The following ANO6 variants were observed in gnomAD, a reference collection of about 807,000 sequenced individuals.
ANO6 encodes the protein anoctamin-6.
In ANO6, 106 loss-of-function variants were observed where a neutral mutation model predicts 117.5. The observed-to-expected ratio is 0.90, with a 90% confidence interval of 0.77 to 1.06. The LOEUF is 1.06. Among genes scored for constraint, ANO6 ranks in the 50% least tolerant of loss-of-function variants. ANO6 has a pLI of 0.00. For missense variants in ANO6, 955 were observed against 1,121.1 expected (o/e 0.85, Z 2.12); for synonymous variants, 367 against 385.1 (o/e 0.95, Z 0.55).
At chr12:45,367,440 G>A (rs1411202787) in intron 8 of ANO6, among the ~76,000 whole-genome samples, 1 of 152,150 alleles carries the variant, frequency 6.6e-6, no homozygotes, top group African/African-American at 2.4e-5. Context: ...GAGACCTCCA[G>A]CTGAAAAGAA....
At chr12:45,376,765 G>A (rs537895429) in intron 9 of ANO6, among the ~76,000 whole-genome samples, 4 of 151,150 alleles carry the variant, frequency 2.6e-5, no homozygotes, top group Admixed American at 6.6e-5. Flanking sequence ...TGATGAGTTA[G>A]TGGGTGCAGC....
rs745682805 is a variant in ANO6 at position 45,388,300 on chromosome 12, T to A, written c.1305T>A (p.Thr435=). ...RCTHVVINEI[T]QEEERIPFTA... is the part of the protein sequence containing the mutation. ...CTCACGTAGTGATAAATGAGATTAC[T>A]CAGGTAAGCAGGGTCGTATTTAGGT... is the stretch of plus-strand genomic sequence containing the variant. The change falls in exon 11 of 20, where the codon ACT becomes ACA. Residue 435 remains threonine, a synonymous_variant. Transcript: ENST00000320560. 9 of 1,613,880 alleles carry A rather than the reference T, an allele frequency of 5.6e-6. No homozygotes were observed. Among genetic ancestry groups the A allele is most frequent in the Middle Eastern group, 1.6e-4 (1 of 6,084 alleles).
chr12:45,326,516 G>T (rs1192751268), intron 2 of ANO6, among the ~76,000 whole-genome samples: 2 of 152,102 alleles, frequency 1.3e-5, no homozygotes, highest in Admixed American at 1.3e-4. Flanking sequence ...CGGTCAACAG[G>T]CTGGTGCCCT....
intron 3 of ANO6, among the ~76,000 whole-genome samples, chr12:45,337,975 T>G (rs1940875324): frequency 6.6e-6 from 1 of 151,888 alleles, no homozygotes; most frequent in African/African-American, 2.4e-5. Context: ...ATATCAAGAA[T>G]GAAAGTAATT....
chr12:45,223,060 T>G (rs1947429539), intron 1 of ANO6, among the ~76,000 whole-genome samples: 1 of 152,238 alleles, frequency 6.6e-6, no homozygotes. Context: ...ACTCAGTGCC[T>G]TTTCCCGCAT....
intron 19 of ANO6, among the ~76,000 whole-genome samples, chr12:45,427,439 C>T (rs759831355): frequency 6.6e-6 from 1 of 152,142 alleles, no homozygotes; most frequent in African/African-American, 2.4e-5. Flanking sequence ...ATTCCCTTTA[C>T]CTAGAATGTC....
At chr12:45,303,384 G>A (rs1939560062) in intron 2 of ANO6, among the ~76,000 whole-genome samples, 1 of 152,168 alleles carries the variant, frequency 6.6e-6, no homozygotes, top group Admixed American at 6.5e-5. Flanking sequence ...TCACATTTGA[G>A]TATGATACTG....
intron 3 of ANO6, among the ~76,000 whole-genome samples, chr12:45,343,967 G>T (rs1197219809): frequency 6.6e-6 from 1 of 152,158 alleles, no homozygotes; most frequent in East Asian, 1.9e-4. Flanking sequence ...GGTTGGCGGG[G>T]CCTAGCTCGA....
chr12:45,380,912 A>G (rs1025705514), intron 10 of ANO6, among the ~76,000 whole-genome samples: 1 of 151,660 alleles, frequency 6.6e-6, no homozygotes, highest in Non-Finnish European at 1.5e-5. Flanking sequence ...GTTTGCAGTG[A>G]GCCGAGATCA....
chr12:45,307,937 G>A (rs1320360447), intron 2 of ANO6, among the ~76,000 whole-genome samples: 1 of 151,744 alleles, frequency 6.6e-6, no homozygotes. Flanking sequence ...TGGGTTGAGT[G>A]GTAGAATCCA....
chr12:45,302,211 C>G, intron 2 of ANO6, 118 bp downstream of exon 2: 1 of 901,014 alleles, frequency 1.1e-6, no homozygotes. Flanking sequence ...CTACATAGAT[C>G]TTATTGCAGG....
chr12:45,336,669 C>T (rs1169731634), intron 3 of ANO6, among the ~76,000 whole-genome samples: 1 of 151,966 alleles, frequency 6.6e-6, no homozygotes, highest in Non-Finnish European at 1.5e-5. Flanking sequence ...TGTATAGTAC[C>T]GAACGCTTGT....
At chr12:45,351,150 C>T (rs1008362135) in intron 7 of ANO6, among the ~76,000 whole-genome samples, 1 of 152,146 alleles carries the variant, frequency 6.6e-6, no homozygotes, top group African/African-American at 2.4e-5. Flanking sequence ...TCCTAGGGTC[C>T]CACTGTGAAT....
chr12:45,385,470 C>G (rs1942273252), intron 10 of ANO6, among the ~76,000 whole-genome samples: 1 of 152,094 alleles, frequency 6.6e-6, no homozygotes, highest in African/African-American at 2.4e-5. Flanking sequence ...GGATGCAGAA[C>G]CTTGGGCTTT....
At chr12:45,426,469 G>C (rs993160474) in intron 19 of ANO6, among the ~76,000 whole-genome samples, 2 of 152,066 alleles carry the variant, frequency 1.3e-5, no homozygotes, top group Admixed American at 1.3e-4. Context: ...AGTACATGCT[G>C]TCCTCGATTC....
At chr12:45,434,615 TAA>T (rs1378602223), downstream of ANO6, among the ~76,000 whole-genome samples, 1 of 152,108 alleles carries the variant, frequency 6.6e-6, no homozygotes, top group African/African-American at 2.4e-5. Flanking sequence ...TCCAGGGAAA[TAA>T]AAGACAATTA....
intron 18 of ANO6, 22 bp downstream of exon 18, chr12:45,421,295 T>A (rs1286614971): frequency 6.2e-7 from 1 of 1,608,584 alleles, no homozygotes; most frequent in East Asian, 2.2e-5. Context: ...TTTACTTGTT[T>A]AAAAATGCAC....
intron 1 of ANO6, among the ~76,000 whole-genome samples, chr12:45,300,645 T>A (rs1939452571): frequency 5.9e-5 from 9 of 152,176 alleles, no homozygotes; most frequent in Admixed American, 5.9e-4. Flanking sequence ...CTTTTTAATG[T>A]CATTGACTTG....
chr12:45,323,971 C>T (rs1309637064), intron 2 of ANO6, among the ~76,000 whole-genome samples: 1 of 106,844 alleles, frequency 9.4e-6, no homozygotes, highest in African/African-American at 3.6e-5. Flanking sequence ...GAATTTTGCT[C>T]TTGGTGCCCA....
Sources: gnomAD v4.1 joint callset for allele counts (sites outside exome capture counted in the v4.1 genomes callset) on GRCh38, gnomAD v4.1.1 for gene constraint, MANE v1.5 for transcripts, NCBI Gene and HGNC (gene_info 2026-07-23, HGNC 2026-07-21) for gene names.